Variants in MCCC1 observed in about 807,000 individuals in gnomAD.
The protein encoded by MCCC1 is methylcrotonyl-CoA carboxylase subunit 1, also known as methylcrotonoyl-CoA carboxylase subunit alpha, mitochondrial.
MCCC1 carries 64 observed loss-of-function variants against 83.8 expected under a neutral mutation model. The ratio of observed to expected loss-of-function variants is 0.76; its 90% CI spans 0.62 to 0.94. The LOEUF (loss-of-function observed/expected upper bound fraction) is 0.94. Among genes scored for constraint, MCCC1 ranks in the 40% least tolerant of loss-of-function variants. The pLI, the probability that MCCC1 is intolerant of heterozygous loss-of-function variation, is 0.00. For synonymous variants in MCCC1, 322 were observed against 315.4 expected (o/e 1.02, Z -0.22); for missense variants, 807 against 904.7 (o/e 0.89, Z 1.39).
At position 183,058,160 on chromosome 3, in the gene MCCC1, GA is replaced by G. The variant is rs1231994982; in HGVS notation, c.762-739del. 1.3e-5 allele frequency among the ~76,000 whole-genome samples: 2 copies of G among 152,226 alleles called. 1 individual carries two copies. Among genetic ancestry groups the G allele is most frequent in the Admixed American group, 1.3e-4 (2 of 15,286 alleles). On this transcript the variant is annotated intron_variant, in intron 7 of 18. Coordinates refer to ENST00000265594, the MANE Select transcript of MCCC1 (RefSeq NM_020166.5). ...CTTCCTATATTGTCAAAAGACCAAT[GA>G]AAAATTTTTTATGACTTTTTGTTTT...
intron 7 of MCCC1, among the ~76,000 whole-genome samples, chr3:183,060,611 C>T (rs1715749088): frequency 6.6e-6 from 1 of 151,886 alleles, no homozygotes; most frequent in Non-Finnish European, 1.5e-5. Context: ...TTCTAGGGTA[C>T]ATGTGCACAA....
In MCCC1 at chr3:183,015,486, A is replaced by T. The variant is rs778905809; in HGVS notation, c.2130T>A (p.Pro710=). The T allele has an allele frequency of 6.2e-7, 1 of 1,614,114 alleles. No homozygotes were observed. Among genetic ancestry groups the T allele is most frequent in the Non-Finnish European group, 8.5e-7 (1 of 1,179,982 alleles). Reference sequence around the variant, plus strand: ...ATTCTTCCTCCTCAAACTCGACTAAAGGAGTGTGTCTGTTGGCCTGAGCAC... The same window carrying T: ...ATTCTTCCTCCTCAAACTCGACTAATGGAGTGTGTCTGTTGGCCTGAGCAC... ...REGAQANRHT[P]LVEFEEEESD... Residue 710 remains proline, a synonymous_variant, in exon 19 of 19, where the codon CCT becomes CCA. Coordinates refer to ENST00000265594, the MANE Select transcript of MCCC1 (RefSeq NM_020166.5).
chr3:183,025,624 C>A, intron 15 of MCCC1, 131 bp downstream of exon 15: 1 of 846,084 alleles, frequency 1.2e-6, no homozygotes, highest in Non-Finnish European at 2.0e-6. Context: ...GAAATACAAG[C>A]ATAAGATATT....
At chr3:183,028,861 C>T (rs1326094365) in intron 14 of MCCC1, among the ~76,000 whole-genome samples, 7 of 152,192 alleles carry the variant, frequency 4.6e-5, no homozygotes, top group African/African-American at 1.7e-4. Flanking sequence ...TCAGCAATTG[C>T]CACTATAAAT....
intron 9 of MCCC1, among the ~76,000 whole-genome samples, chr3:183,047,097 C>T (rs1714613198): frequency 6.6e-6 from 1 of 152,120 alleles, no homozygotes; most frequent in Non-Finnish European, 1.5e-5. Context: ...GAAATGAAAC[C>T]ACTTTGAAAT....
At chr3:183,084,413 T>C (rs1717739492) in intron 4 of MCCC1, among the ~76,000 whole-genome samples, 1 of 152,172 alleles carries the variant, frequency 6.6e-6, no homozygotes, top group African/African-American at 2.4e-5. Flanking sequence ...CCTGAACTCC[T>C]AAGGACATGT....
rs888728857 is a variant in MCCC1, at chr3:183,090,879, C to T, written c.273+1530G>A. 4.3e-5 allele frequency: 18 copies of T among 420,586 alleles called. 2 individuals carry two copies. Among genetic ancestry groups the T allele is most frequent in the South Asian group, 1.7e-4 (10 of 58,822 alleles). 26.1% of individuals were successfully genotyped at this position (420,586 alleles called of 1,614,324 possible). A position where few individuals can be genotyped will look rare whatever the true frequency, so the allele number is the denominator to read the frequency against. The stretch of plus-strand genomic sequence containing the variant: ...CTGGAATTACAGGTGTGAGCCACTG[C>T]GCCCAGCCGGGAAAATTCTTAAAAA... On this transcript the variant is annotated intron_variant, in intron 3 of 18. Coordinates refer to ENST00000265594, the MANE Select transcript of MCCC1 (RefSeq NM_020166.5).
chr3:183,079,069 G>A (rs1477069573), intron 4 of MCCC1, among the ~76,000 whole-genome samples: 1 of 152,224 alleles, frequency 6.6e-6, no homozygotes, highest in Non-Finnish European at 1.5e-5. Context: ...TGAGAATTGT[G>A]AGAGTTACAA....
upstream of MCCC1, among the ~76,000 whole-genome samples, chr3:183,102,663 A>G (rs1366836463): frequency 6.6e-6 from 1 of 151,122 alleles, no homozygotes; most frequent in African/African-American, 2.4e-5. Flanking sequence ...CTTACACCTA[A>G]CACCAAAATA....
At chr3:183,089,534 A>T (rs1718161893) in intron 3 of MCCC1, among the ~76,000 whole-genome samples, 1 of 152,064 alleles carries the variant, frequency 6.6e-6, no homozygotes, top group Admixed American at 6.6e-5. Flanking sequence ...GGATTGCTTG[A>T]GCCTGGGGGG....
intron 8 of MCCC1, among the ~76,000 whole-genome samples, chr3:183,052,963 A>G (rs1178131799): frequency 6.6e-6 from 1 of 152,162 alleles, no homozygotes; most frequent in East Asian, 1.9e-4. Context: ...AAAAAAAGTT[A>G]ACTGTAAAAC....
intron 3 of MCCC1, among the ~76,000 whole-genome samples, chr3:183,091,578 C>A (rs904304739): frequency 8.0e-5 from 12 of 149,876 alleles, no homozygotes. Flanking sequence ...AAAACAAAAA[C>A]AAAACAAAAC....
intron 10 of MCCC1, among the ~76,000 whole-genome samples, chr3:183,044,479 ACATTTACT>A (rs1240412700): frequency 6.6e-6 from 1 of 152,196 alleles, no homozygotes; most frequent in Non-Finnish European, 1.5e-5. Context: ...CTCTGAATGA[ACATTTACT>A]CATGGGCCCG....
chr3:183,058,528 A>AGGCG (rs1715596685), intron 7 of MCCC1, among the ~76,000 whole-genome samples: 2 of 152,044 alleles, frequency 1.3e-5, no homozygotes, highest in Non-Finnish European at 2.9e-5. Context: ...AGGCTCAGGC[A>AGGCG]GGAGGATTCC....
chr3:183,023,383 G>T (rs1712317467), intron 15 of MCCC1, among the ~76,000 whole-genome samples: 1 of 152,128 alleles, frequency 6.6e-6, no homozygotes, highest in Non-Finnish European at 1.5e-5. Context: ...ACTATGCTTT[G>T]TAACCTACTA....
intron 10 of MCCC1, 26 bp from the exon 11 acceptor site, chr3:183,041,776 G>C (rs769540808): frequency 6.2e-7 from 1 of 1,612,984 alleles, no homozygotes; most frequent in African/African-American, 1.3e-5. Context: ...TGTTTCTTAT[G>C]AAATCTACCG....
intron 7 of MCCC1, among the ~76,000 whole-genome samples, chr3:183,069,121 C>G (rs1444481764): frequency 6.6e-6 from 1 of 152,052 alleles, no homozygotes; most frequent in African/African-American, 2.4e-5. Context: ...TTCTATAGTT[C>G]AAAAAATATT....
rs905321122 is a variant in MCCC1, at chr3:183,020,177, C to G, written c.1930G>C (p.Glu644Gln). The change falls in exon 17 of 19, where the codon GAA becomes CAA. Residue 644 changes from glutamate (E) to glutamine (Q), a missense_variant. Glu to Gln is a conservative substitution (Grantham distance 29, BLOSUM62 2). Transcript: ENST00000265594. ...GGAGCTAAGGGGCCGCCCTGAGTTT[C>G]TTGTGAGCTCACAGAAGATAAGTAT... ...PKYLSSVSSQ[E>Q]TQGGPLAPMT... 1 of 1,614,146 alleles carries G rather than the reference C, an allele frequency of 6.2e-7. No individual in the cohort carries two copies. The highest frequency in any genetic ancestry group is 2.2e-5 in the East Asian group (1 of 44,880).
intron 10 of MCCC1, 126 bp from the exon 11 acceptor site, chr3:183,041,876 A>C (rs1714118738): frequency 1.8e-6 from 2 of 1,082,626 alleles, no homozygotes; most frequent in Non-Finnish European, 1.4e-6. Flanking sequence ...GCCAAATAAA[A>C]ACTATTATTT....
Sources: allele counts gnomAD v4.1 joint callset (sites outside exome capture counted in the v4.1 genomes callset), GRCh38; gene constraint gnomAD v4.1.1; transcripts MANE v1.5; gene names NCBI Gene and HGNC (gene_info 2026-07-23, HGNC 2026-07-21).